The following RHBDF2 variants were observed in gnomAD, a reference collection of about 807,000 sequenced individuals.
RHBDF2 encodes the protein inactive rhomboid protein 2.
Under a neutral mutation model 95.2 loss-of-function variants are expected in RHBDF2, and 38 were observed. The ratio of observed to expected loss-of-function variants is 0.40; its 90% confidence interval spans 0.31 to 0.52. RHBDF2 has a LOEUF of 0.52. Among genes scored for constraint, RHBDF2 ranks in the 20% least tolerant of loss-of-function variants. The pLI is 0.56. For synonymous variants in RHBDF2, 442 were observed against 462.0 expected (o/e 0.96, Z 0.55); for missense variants, 863 against 1,137.7 (o/e 0.76, Z 3.47).
intron 1 of RHBDF2, among the ~76,000 whole-genome samples, chr17:76,499,397 A>T (rs1425911154): frequency 6.6e-6 from 1 of 152,040 alleles, no homozygotes; most frequent in African/African-American, 2.4e-5. Context: ...TTGCCAGAAA[A>T]CTGGAAGTAC....
At position 76,481,434 on chromosome 17, in the gene RHBDF2, T is replaced by G; in HGVS notation, c.91A>C (p.Ile31Leu). 5.0e-6 allele frequency: 8 copies of G among 1,612,796 alleles called. No individual in the cohort carries two copies. The highest frequency in any genetic ancestry group is 6.8e-6 in the Non-Finnish European group (8 of 1,179,970). The change falls in exon 3 of 19, where the codon ATC becomes CTC. Residue 31 changes from isoleucine (I) to leucine (L), a missense_variant. Physicochemically the swap from Ile to Leu is conservative, Grantham distance 5 (BLOSUM62 2). This residue lies in a region of RHBDF2 where 611 missense variants were observed against 725.5 expected (regional missense o/e 0.84). Coordinates refer to ENST00000675367, the MANE Select transcript of RHBDF2 (RefSeq NM_001005498.4). ...TGGGTCTCTTTCTCGGGTGGCGGGA[T>G]GGTGATGGAGAGGTTGGGTGGCTTC... is the stretch of plus-strand genomic sequence containing the variant. The part of the protein sequence containing the change: ...SRKPPNLSIT[I>L]PPPEKETQAP...
Position 76,472,830 on chromosome 17 carries a change from G to A in RHBDF2, c.1920C>T (p.His640=). ...TTTGAAAGACCACAGACACGAGGCA[G>A]TGCACCACGCTGGGGGAGGGACACA... The part of the protein sequence containing the change: ...LSLFLHAGVV[H]CLVSVVFQMT... The change falls in exon 18 of 19, where the codon CAC becomes CAT. Residue 640 remains histidine, a synonymous_variant. Coordinates refer to ENST00000675367, the MANE Select transcript of RHBDF2 (RefSeq NM_001005498.4). 3 of 1,593,114 alleles carry A rather than the reference G, an allele frequency of 1.9e-6. No homozygotes were observed. The highest frequency in any genetic ancestry group is 1.7e-6 in the Non-Finnish European group (2 of 1,169,504).
intron 1 of RHBDF2, among the ~76,000 whole-genome samples, chr17:76,497,234 T>C (rs2074448041): frequency 6.6e-6 from 1 of 152,052 alleles, no homozygotes; most frequent in Non-Finnish European, 1.5e-5. Flanking sequence ...GAGGCAGCTT[T>C]ACCCTGCTCC....
intron 1 of RHBDF2, among the ~76,000 whole-genome samples, chr17:76,492,892 CAGCCCCCTCCCCT>C (rs774339552): frequency 6.6e-6 from 1 of 152,180 alleles, no homozygotes; most frequent in Non-Finnish European, 1.5e-5. Flanking sequence ...AAGAAGTAAG[CAGCCCCCTCCCCT>C]CCAGACAGGA....
chr17:76,499,217 C>A (rs899653209), intron 1 of RHBDF2, among the ~76,000 whole-genome samples: 3 of 152,104 alleles, frequency 2.0e-5, no homozygotes, highest in Non-Finnish European at 1.5e-5. Flanking sequence ...AAGCTCGAAA[C>A]CTCCACCAGG....
intron 1 of RHBDF2, among the ~76,000 whole-genome samples, chr17:76,494,175 C>T (rs760709263): frequency 6.6e-6 from 1 of 152,152 alleles, no homozygotes; most frequent in Non-Finnish European, 1.5e-5. Context: ...CAGCCCCTGA[C>T]GCCCCCTCTG....
At chr17:76,493,568 C>T (rs535957000) in intron 1 of RHBDF2, among the ~76,000 whole-genome samples, 15 of 151,994 alleles carry the variant, frequency 9.9e-5, no homozygotes, top group Admixed American at 4.6e-4. Context: ...GCATGAGCTG[C>T]GGCGTGAGCT....
At chr17:76,474,179 G>T in intron 12 of RHBDF2, 37 bp from the exon 13 acceptor site, 1 of 1,471,550 alleles carries the variant, frequency 6.8e-7, no homozygotes, top group Non-Finnish European at 9.2e-7. Flanking sequence ...TCATGTCGGG[G>T]CCAGGTCACC....
At chr17:76,472,566 G>A (rs572944611) in intron 18 of RHBDF2, 120 bp downstream of exon 18, 43 of 1,302,832 alleles carry the variant, frequency 3.3e-5, no homozygotes, top group South Asian at 3.3e-4. Flanking sequence ...CTGTCCCTCC[G>A]CTGTGGAGCC....
chr17:76,475,733 C>A (rs1318162057), intron 9 of RHBDF2, among the ~76,000 whole-genome samples: 2 of 151,998 alleles, frequency 1.3e-5, no homozygotes, highest in African/African-American at 4.8e-5. Context: ...AAGCACCCAC[C>A]ATACCTGCCT....
At chr17:76,501,179 C>T (rs1250361330) in intron 1 of RHBDF2, 174 bp downstream of exon 1, 1 of 152,266 alleles carries the variant, frequency 6.6e-6, no homozygotes, top group Non-Finnish European at 1.5e-5. Flanking sequence ...GCCCGGGCCT[C>T]CAGCCGAGCC....
chr17:76,491,903 T>A (rs1266503373), intron 1 of RHBDF2, among the ~76,000 whole-genome samples: 2 of 152,168 alleles, frequency 1.3e-5, no homozygotes, highest in East Asian at 3.9e-4. Context: ...CCAGCACTTA[T>A]CTCCGAGCCC....
intron 4 of RHBDF2, 76 bp from the exon 5 acceptor site, chr17:76,479,353 G>A: frequency 1.3e-6 from 2 of 1,536,136 alleles, no homozygotes; most frequent in African/African-American, 1.4e-5. Flanking sequence ...AAGGGGTGAT[G>A]GCACGTGTGT....
At chr17:76,477,493 A>G (rs981716776) in intron 7 of RHBDF2, among the ~76,000 whole-genome samples, 164 bp downstream of exon 7, 3 of 132,942 alleles carry the variant, frequency 2.3e-5, no homozygotes, top group Non-Finnish European at 5.3e-5. Context: ...ACCCTACCCA[A>G]CAGAAAGATG....
intron 3 of RHBDF2, among the ~76,000 whole-genome samples, chr17:76,480,706 G>A (rs763482689): frequency 2.6e-5 from 4 of 152,116 alleles, no homozygotes; most frequent in Non-Finnish European, 5.9e-5. Flanking sequence ...ATTTAAAATC[G>A]CCATTGTCTA....
chr17:76,472,419 G>A, intron 18 of RHBDF2: 3 of 592,122 alleles, frequency 5.1e-6, no homozygotes, highest in Non-Finnish European at 9.1e-6. Context: ...CGCTCGACCT[G>A]CAGATACCTA....
chr17:76,477,255 G>T lies in RHBDF2; in HGVS notation c.845C>A (p.Pro282Gln), dbSNP rs750059653. The change falls in exon 8 of 19, where the codon CCA becomes CAA. Residue 282 changes from proline to glutamine, a missense_variant. Around this residue, in one of 2 missense-constraint regions of RHBDF2, gnomAD observed 611 missense variants for 725.5 expected, o/e 0.84. Coordinates refer to ENST00000675367, the MANE Select transcript of RHBDF2 (RefSeq NM_001005498.4). ...CCCTCGGAAGTAGCTGGCAGAGAGT[G>T]GGGGGGACTCAAAGACATCATCAGG... The part of the protein sequence containing the change: ...SMPDDVFESP[P>Q]LSASYFRGIP... The T allele has an allele frequency of 3.5e-5, 56 of 1,606,590 alleles. No individual in the cohort carries two copies. The highest frequency in any genetic ancestry group is 4.4e-5 in the Non-Finnish European group (52 of 1,177,280).
At chr17:76,492,199 G>A (rs1462385021) in intron 1 of RHBDF2, among the ~76,000 whole-genome samples, 1 of 152,178 alleles carries the variant, frequency 6.6e-6, no homozygotes, top group East Asian at 1.9e-4. Context: ...CTTTAGGGTG[G>A]GGCGGGGGAA....
intron 2 of RHBDF2, among the ~76,000 whole-genome samples, chr17:76,486,077 T>TAC (rs57942849): frequency 0.063 from 9,186 of 144,690 alleles, 360 homozygotes; most frequent in African/African-American, 0.12. Flanking sequence ...TATATATATG[T>TAC]ACACACACAC....
Sources: allele counts gnomAD v4.1 joint callset (sites outside exome capture counted in the v4.1 genomes callset), GRCh38; gene constraint gnomAD v4.1.1; regional missense constraint gnomAD v4.1.1; transcripts MANE v1.5; gene names NCBI Gene and HGNC (gene_info 2026-07-23, HGNC 2026-07-21).